PLCG2: variants seen among roughly 807,000 people sequenced by gnomAD.
The protein encoded by PLCG2 is phospholipase C gamma 2.
In PLCG2, 69 loss-of-function variants were observed where a neutral mutation model predicts 175.6. That is an observed-to-expected ratio of 0.39 (90% CI 0.32 to 0.48). The LOEUF is 0.48. Among genes scored for constraint, PLCG2 ranks in the 20% least tolerant of loss-of-function variants. PLCG2 has a pLI of 0.91. For missense variants in PLCG2, 1,798 were observed against 1,650.9 expected (o/e 1.09, Z -1.54); for synonymous variants, 827 against 624.0 (o/e 1.33, Z -4.85).
chr16:81,908,670 C>T, intron 17 of PLCG2, 79 bp downstream of exon 17: 1 of 1,319,704 alleles, frequency 7.6e-7, no homozygotes. Context: ...GGTTCTAGCT[C>T]AGGCAGGAAT....
At chr16:81,766,116 C>G (rs1910144314) in intron 2 of PLCG2, among the ~76,000 whole-genome samples, 2 of 152,196 alleles carry the variant, frequency 1.3e-5, no homozygotes, top group Non-Finnish European at 2.9e-5. Context: ...TCTCCTGGAG[C>G]TGGTTTGATT....
chr16:81,862,616 T>C (rs1244498498), intron 5 of PLCG2, among the ~76,000 whole-genome samples: 1 of 152,194 alleles, frequency 6.6e-6, no homozygotes, highest in African/African-American at 2.4e-5. Flanking sequence ...ACACCTGTAA[T>C]CCTAACAGTT....
Position 81,908,441 on chromosome 16 carries a change from T to A in PLCG2, c.1583T>A (p.Phe528Tyr). 3 of 1,614,028 alleles carry A rather than the reference T, an allele frequency of 1.9e-6. No homozygotes were observed. The highest frequency in any genetic ancestry group is 2.5e-6 in the Non-Finnish European group (3 of 1,179,978). ...GATATACCCCCTACAGAACTACATT[T>A]TGGGGAGAAATGGTTCCACAAGAAG... ...PQDIPPTELH[F>Y]GEKWFHKKVE... The change falls in exon 17 of 33, where the codon TTT (phenylalanine) becomes TAT (tyrosine). Residue 528 changes from phenylalanine (F) to tyrosine (Y), a missense_variant. Physicochemically the swap from Phe to Tyr is conservative, Grantham distance 22 (BLOSUM62 3). Coordinates refer to ENST00000564138, the MANE Select transcript of PLCG2 (RefSeq NM_002661.5).
chr16:81,826,295 T>G (rs1905046164), intron 2 of PLCG2, among the ~76,000 whole-genome samples: 1 of 152,128 alleles, frequency 6.6e-6, no homozygotes, highest in Non-Finnish European at 1.5e-5. Context: ...GGCTCCAGGA[T>G]CCTAGGCTCA....
chr16:81,879,270 T>G (rs1475086928), intron 7 of PLCG2, among the ~76,000 whole-genome samples: 1 of 152,188 alleles, frequency 6.6e-6, no homozygotes, highest in Non-Finnish European at 1.5e-5. Flanking sequence ...GCAGGCTGAC[T>G]TGGTGACCTA....
At chr16:81,820,809 C>CAGGG (rs1491556642) in intron 2 of PLCG2, among the ~76,000 whole-genome samples, 2 of 149,162 alleles carry the variant, frequency 1.3e-5, no homozygotes, top group Non-Finnish European at 3.0e-5. Flanking sequence ...TTAGTAGAGG[C>CAGGG]AGGGTCTCAT....
intron 2 of PLCG2, among the ~76,000 whole-genome samples, chr16:81,825,283 A>ATTTTTTT (rs577002663): frequency 1.7e-5 from 2 of 115,876 alleles, no homozygotes; most frequent in African/African-American, 3.4e-5. Context: ...AGATGCTCTA[A>ATTTTTTT]TTTTTTTTTT....
chr16:81,862,726 G>A (rs55797469), intron 5 of PLCG2, among the ~76,000 whole-genome samples: 1 of 151,984 alleles, frequency 6.6e-6, no homozygotes, highest in Non-Finnish European at 1.5e-5. Flanking sequence ...AAAAAAGTTA[G>A]CTGGGTGTAG....
At chr16:81,926,193 G>T (rs1311370966) in intron 22 of PLCG2, among the ~76,000 whole-genome samples, 1 of 152,252 alleles carries the variant, frequency 6.6e-6, no homozygotes, top group Non-Finnish European at 1.5e-5. Context: ...ACATCATGGA[G>T]AGTTAGGAGG....
chr16:81,951,947 A>C (rs1262698354), intron 31 of PLCG2, among the ~76,000 whole-genome samples: 1 of 152,168 alleles, frequency 6.6e-6, no homozygotes, highest in East Asian at 1.9e-4. Flanking sequence ...GGAAGACTTC[A>C]ATTTTAAAGA....
intron 7 of PLCG2, among the ~76,000 whole-genome samples, chr16:81,879,702 A>G (rs984259206): frequency 6.6e-6 from 1 of 152,188 alleles, no homozygotes; most frequent in Non-Finnish European, 1.5e-5. Flanking sequence ...GTGTCATTGA[A>G]GACTGTTGAA....
chr16:81,791,246 C>G (rs1426778662), intron 2 of PLCG2, among the ~76,000 whole-genome samples: 1 of 151,904 alleles, frequency 6.6e-6, no homozygotes, highest in East Asian at 1.9e-4. Context: ...AGGTTTTTGT[C>G]CATTTGGATG....
chr16:81,900,248 G>C (rs1487377594), intron 13 of PLCG2, among the ~76,000 whole-genome samples: 1 of 152,188 alleles, frequency 6.6e-6, no homozygotes, highest in East Asian at 1.9e-4. Context: ...CCTGGGTGAA[G>C]CACACATGGG....
At chr16:81,793,162 A>G (rs761497051) in intron 2 of PLCG2, among the ~76,000 whole-genome samples, 1 of 152,122 alleles carries the variant, frequency 6.6e-6, no homozygotes, top group South Asian at 2.1e-4. Flanking sequence ...CAGGTTCCCT[A>G]TTGCTTTCCA....
upstream of PLCG2, among the ~76,000 whole-genome samples, chr16:81,778,030 A>AACACAC (rs869227137): frequency 2.4e-5 from 2 of 81,934 alleles, no homozygotes; most frequent in African/African-American, 9.9e-5. Flanking sequence ...AAAAAAAAAA[A>AACACAC]ACAAAAAAAA....
chr16:81,899,289 T>TACAC lies in PLCG2; in HGVS notation c.1194-1311_1194-1308dup, dbSNP rs111338797. Among the ~76,000 whole-genome samples, 159 of 92,460 alleles carry TACAC rather than the reference T, an allele frequency of 1.7e-3. 2 individuals carry two copies. The highest frequency in any genetic ancestry group is 5.9e-3 in the African/African-American group (157 of 26,536). 60.7% of individuals were successfully genotyped at this position (92,460 alleles called of 152,430 possible). On this transcript the variant is annotated intron_variant, in intron 13 of 32. Coordinates refer to ENST00000564138, the MANE Select transcript of PLCG2 (RefSeq NM_002661.5). ...ATGTGTGTATATATATATATATATA[T>TACAC]ACACACACACACACATAAATATATA...
At chr16:81,752,343 C>T (rs1245133301) in intron 1 of PLCG2, among the ~76,000 whole-genome samples, 1 of 152,196 alleles carries the variant, frequency 6.6e-6, no homozygotes, top group East Asian at 1.9e-4. Context: ...ACCCGGCCAG[C>T]TCCTCCACTC....
At chr16:81,757,318 A>C (rs921073073) in intron 2 of PLCG2, among the ~76,000 whole-genome samples, 4 of 152,150 alleles carry the variant, frequency 2.6e-5, no homozygotes, top group African/African-American at 7.2e-5. Context: ...CAAACAAACA[A>C]AAAAACAAAA....
At position 81,880,321 on chromosome 16, in the gene PLCG2, T is replaced by A. The variant is rs148917110; in HGVS notation, c.649-589T>A. 2.2e-3 allele frequency among the ~76,000 whole-genome samples: 338 copies of A among 152,340 alleles called. 1 individual carries two copies. Among genetic ancestry groups the A allele is most frequent in the Non-Finnish European group, 4.0e-3 (273 of 68,024 alleles). ...CTATCTCAACTGTTTTGAGAGCACC[T>A]TGGCAGAATTTATCAAAGCCAATGT... is the stretch of plus-strand genomic sequence containing the variant. On this transcript the variant is annotated intron_variant, in intron 7 of 32. Coordinates refer to ENST00000564138, the MANE Select transcript of PLCG2 (RefSeq NM_002661.5).
Sources: gnomAD v4.1 joint callset for allele counts (sites outside exome capture counted in the v4.1 genomes callset) on GRCh38, gnomAD v4.1.1 for gene constraint, MANE v1.5 for transcripts, NCBI Gene and HGNC (gene_info 2026-07-23, HGNC 2026-07-21) for gene names.